The following DCAF4L1 variants were observed in gnomAD, a reference collection of about 807,000 sequenced individuals.
The protein encoded by DCAF4L1 is DDB1- and CUL4-associated factor 4-like protein 1.
A neutral mutation model predicts 28.2 loss-of-function variants in DCAF4L1; 4 were observed. That is an observed-to-expected ratio of 0.14 (90% CI 0.07 to 0.33). The LOEUF is 0.33. Ranked by LOEUF, DCAF4L1 falls within the 10% of genes least tolerant of loss-of-function variation. DCAF4L1 has a pLI of 1.00. For synonymous variants in DCAF4L1, 252 were observed against 212.1 expected (o/e 1.19, Z -1.63); for missense variants, 331 against 506.1 (o/e 0.65, Z 3.32).
chr4:41,982,485 G>A lies in DCAF4L1; in HGVS notation c.693G>A (p.Gln231=), dbSNP rs773389827. 1.2e-6 allele frequency: 2 copies of A among 1,614,128 alleles called. No individual in the cohort carries two copies. The highest frequency in any genetic ancestry group is 4.5e-5 in the East Asian group (2 of 44,900). The change falls in exon 1 of 1, where the codon CAG becomes CAA. Residue 231 remains glutamine, a synonymous_variant. Coordinates refer to ENST00000333141, the MANE Select transcript of DCAF4L1 (RefSeq NM_001029955.4). This position sits in a 1 kb window ranked among gnomAD's most constrained non-coding sequence, Gnocchi z 4.4. ...CCAGCAGTGATGTCTTGGCCCAGCA[G>A]TTTGCTAGTACGGCTCCTTTGCTGT... ...FDTSSDVLAQ[Q]FASTAPLLFN... is the part of the protein sequence containing the mutation.
Position 41,982,118 on chromosome 4 carries a change from T to G in DCAF4L1, c.326T>G (p.Ile109Ser). 3 of 1,614,164 alleles carry G rather than the reference T, an allele frequency of 1.9e-6. No individual in the cohort carries two copies. Among genetic ancestry groups the G allele is most frequent in the Non-Finnish European group, 1.7e-6 (2 of 1,180,042 alleles). The change falls in exon 1 of 1, where the codon ATC becomes AGC. Residue 109 changes from isoleucine to serine, a missense_variant. Coordinates refer to ENST00000333141, the MANE Select transcript of DCAF4L1 (RefSeq NM_001029955.4). This position sits in a 1 kb window ranked among gnomAD's most constrained non-coding sequence, Gnocchi z 4.4. The stretch of plus-strand genomic sequence containing the variant: ...ATCATCAGCCTGCGAACTCTGAAGA[T>G]CCCTTCGTTCCACGTGTACGTGCTC... The part of the protein sequence containing the change: ...YGIISLRTLK[I>S]PSFHVYVLRN...
Position 41,982,465 on chromosome 4 carries a change from A to G in DCAF4L1, c.673A>G (p.Ser225Gly). 6.2e-7 allele frequency: 1 copy of G among 1,614,204 alleles called. No homozygotes were observed. Among genetic ancestry groups the G allele is most frequent in the East Asian group, 2.2e-5 (1 of 44,878 alleles). ...ACACCAGCAGTCATTTGATACCAGC[A>G]GTGATGTCTTGGCCCAGCAGTTTGC... ...TGHQQSFDTS[S>G]DVLAQQFAST... The change falls in exon 1 of 1, where the codon AGT (serine) becomes GGT (glycine). Residue 225 changes from serine to glycine, a missense_variant. Transcript: ENST00000333141. This position sits in a 1 kb window ranked among gnomAD's most constrained non-coding sequence, Gnocchi z 4.4.
At position 41,984,856 on chromosome 4, in the gene DCAF4L1, T is replaced by G. The variant is rs1396130402; in HGVS notation, c.*1873T>G. 1 of 167,062 alleles carries G rather than the reference T, an allele frequency of 6.0e-6. No homozygotes were observed. Among genetic ancestry groups the G allele is most frequent in the Non-Finnish European group, 1.5e-5 (1 of 68,116 alleles). 10.3% of individuals were successfully genotyped at this position (167,062 alleles called of 1,614,324 possible). On this transcript the variant is annotated 3_prime_UTR_variant, in exon 1 of 1. Coordinates refer to ENST00000333141, the MANE Select transcript of DCAF4L1 (RefSeq NM_001029955.4). The stretch of plus-strand genomic sequence containing the variant: ...TATGGGAGTATGGTTAGGCACAGAT[T>G]TTTGGAATCCTTTCAGTCAGTTTTT...
rs1208060993 is a variant in DCAF4L1 at position 41,986,273 on chromosome 4, A to G, written c.*3290A>G. On this transcript the variant is annotated 3_prime_UTR_variant, in exon 1 of 1. Transcript: ENST00000333141. ...GTCGCTCCTGTTTCCTTAGTTTGGGATTCTGAGCACACATTCGTTTTAGAT... is the reference window on the plus strand; with the variant it reads ...GTCGCTCCTGTTTCCTTAGTTTGGGGTTCTGAGCACACATTCGTTTTAGAT... 3.0e-5 allele frequency: 5 copies of G among 167,056 alleles called. No individual in the cohort carries two copies. Among genetic ancestry groups the G allele is most frequent in the Non-Finnish European group, 7.3e-5 (5 of 68,156 alleles). 10.3% of individuals were successfully genotyped at this position (167,056 alleles called of 1,614,324 possible).
chr4:41,986,320 T>C lies in DCAF4L1; in HGVS notation c.*3337T>C, dbSNP rs770212731. 1 of 167,140 alleles carries C rather than the reference T, an allele frequency of 6.0e-6. No individual in the cohort carries two copies. Among genetic ancestry groups the C allele is most frequent in the Non-Finnish European group, 1.5e-5 (1 of 68,144 alleles). 10.4% of individuals were successfully genotyped at this position (167,140 alleles called of 1,614,324 possible). A position where few individuals can be genotyped will look rare whatever the true frequency, so the allele number is the denominator to read the frequency against. On this transcript the variant is annotated 3_prime_UTR_variant, in exon 1 of 1. Coordinates refer to ENST00000333141, the MANE Select transcript of DCAF4L1 (RefSeq NM_001029955.4). ...AGATCACAGGGTCGTTCTCAGGATATGGTTGTTACTGCTGTCAGGTGCATC... is the reference window on the plus strand; with the variant it reads ...AGATCACAGGGTCGTTCTCAGGATACGGTTGTTACTGCTGTCAGGTGCATC...
Position 41,982,090 on chromosome 4 carries a change from G to A in DCAF4L1, c.298G>A (p.Gly100Ser), listed in dbSNP as rs1366672121. 7 of 1,614,062 alleles carry A rather than the reference G, an allele frequency of 4.3e-6. No individual in the cohort carries two copies. The highest frequency in any genetic ancestry group is 5.9e-6 in the Non-Finnish European group (7 of 1,180,044). ...NQVEVEGSKYGIISLRTLKIP... is the reference protein window; with the variant it reads ...NQVEVEGSKYSIISLRTLKIP... ...GGTCGAAGTCGAAGGCTCCAAGTACGGCATCATCAGCCTGCGAACTCTGAA... is the reference window on the plus strand; with the variant it reads ...GGTCGAAGTCGAAGGCTCCAAGTACAGCATCATCAGCCTGCGAACTCTGAA... Residue 100 changes from glycine (G) to serine (S), a missense_variant, in exon 1 of 1, where the codon GGC (glycine) becomes AGC (serine). Transcript: ENST00000333141. This position sits in a 1 kb window ranked among gnomAD's most constrained non-coding sequence, Gnocchi z 4.4.
At position 41,981,849 on chromosome 4, in the gene DCAF4L1, C is replaced by T. The variant is rs1713992564; in HGVS notation, c.57C>T (p.Ala19=). 2.5e-6 allele frequency: 4 copies of T among 1,614,164 alleles called. No individual in the cohort carries two copies. The highest frequency in any genetic ancestry group is 3.4e-6 in the Non-Finnish European group (4 of 1,180,034). ...LEEEAKLKKV[A]RMGFNASSML... is the part of the protein sequence containing the mutation. ...AAGAGGCCAAGCTGAAAAAGGTAGCCAGAATGGGATTTAATGCATCTTCCA... is the reference window on the plus strand; with the variant it reads ...AAGAGGCCAAGCTGAAAAAGGTAGCTAGAATGGGATTTAATGCATCTTCCA... Residue 19 remains alanine (A), a synonymous_variant, in exon 1 of 1, where the codon GCC becomes GCT. Transcript: ENST00000333141.
chr4:41,985,943 T>TGCCA lies in DCAF4L1; in HGVS notation c.*2961_*2962insCCAG, dbSNP rs1395801951. 6.0e-6 allele frequency: 1 copy of TGCCA among 167,148 alleles called. No individual in the cohort carries two copies. The highest frequency in any genetic ancestry group is 1.5e-5 in the Non-Finnish European group (1 of 68,152). The allele number at this position is 167,148 out of a possible 1,614,324, so 10.4% of individuals were successfully genotyped here. Reference sequence around the variant, plus strand: ...TGCTGGTGTCATGCCAGACCCCTAGTGACTCCAATAGTAATGGCACTGTGT... The same window carrying TGCCA: ...TGCTGGTGTCATGCCAGACCCCTAGTGCCAGACTCCAATAGTAATGGCACTGTGT... On this transcript the variant is annotated 3_prime_UTR_variant, in exon 1 of 1. Coordinates refer to ENST00000333141, the MANE Select transcript of DCAF4L1 (RefSeq NM_001029955.4).
In DCAF4L1 at chr4:41,981,816, C is replaced by A. The variant is rs776455030; in HGVS notation, c.24C>A (p.Leu8=). 4 of 1,614,138 alleles carry A rather than the reference C, an allele frequency of 2.5e-6. No homozygotes were observed. The highest frequency in any genetic ancestry group is 3.4e-6 in the Non-Finnish European group (4 of 1,180,016). ...AAATGGAGGCTGAAAGGCTGCGACT[C>A]CTCGAGGAAGAGGCCAAGCTGAAAA... MEAERLR[L]LEEEAKLKKV... is the part of the protein sequence containing the mutation. Residue 8 remains leucine, a synonymous_variant, in exon 1 of 1, where the codon CTC becomes CTA. Coordinates refer to ENST00000333141, the MANE Select transcript of DCAF4L1 (RefSeq NM_001029955.4).
Position 41,981,988 on chromosome 4 carries a change from CCCT to C in DCAF4L1, c.201_203del (p.Ser68del), listed in dbSNP as rs1560526951. 1 of 1,614,212 alleles carries C rather than the reference CCCT, an allele frequency of 6.2e-7. No individual in the cohort carries two copies. Among genetic ancestry groups the C allele is most frequent in the Non-Finnish European group, 8.5e-7 (1 of 1,180,048 alleles). The stretch of plus-strand genomic sequence containing the variant: ...AAAGGTCCAAATTCGGAGCTTGGAT[CCCT>C]CCTCTTTGGCGAGCGACCGATTTAA... On this transcript the variant is annotated inframe_deletion, in exon 1 of 1. Transcript: ENST00000333141.
chr4:41,982,976 T>A lies in DCAF4L1; in HGVS notation c.1184T>A (p.Phe395Tyr). The A allele has an allele frequency of 1.9e-6, 3 of 1,599,470 alleles. No homozygotes were observed. The highest frequency in any genetic ancestry group is 2.6e-6 in the Non-Finnish European group (3 of 1,172,824). The change falls in exon 1 of 1, where the codon TTC (phenylalanine) becomes TAC (tyrosine). Residue 395 changes from phenylalanine (F) to tyrosine (Y), a missense_variant. Transcript: ENST00000333141. The surrounding 1 kb of genome is among the most constrained non-coding windows in gnomAD (Gnocchi z 4.4). The stretch of plus-strand genomic sequence containing the variant: ...CGGCAGGACCTTTATTGTTTCCCCT[T>A]CAGCTAATTCTGCAGGTGGCAGCGC... ...AVRQDLYCFPFS is the reference protein window; with the variant it reads ...AVRQDLYCFPYS
chr4:41,982,549 C>G lies in DCAF4L1; in HGVS notation c.757C>G (p.Leu253Val), dbSNP rs898612656. ...CRSGEIFAID[L>V]RCRNRGKGWR... is the part of the protein sequence containing the mutation. ...CTCCGGGGAGATCTTTGCCATTGAT[C>G]TGCGTTGTAGAAATCGAGGCAAGGG... The change falls in exon 1 of 1, where the codon CTG (leucine) becomes GTG (valine). Residue 253 changes from leucine (L) to valine (V), a missense_variant. Leu to Val is a conservative substitution (Grantham distance 32). Transcript: ENST00000333141. The surrounding 1 kb of genome is among the most constrained non-coding windows in gnomAD (Gnocchi z 4.4). 5 of 1,614,102 alleles carry G rather than the reference C, an allele frequency of 3.1e-6. No individual in the cohort carries two copies. The highest frequency in any genetic ancestry group is 3.3e-5 in the Admixed American group (2 of 59,998).
At position 41,983,032 on chromosome 4, in the gene DCAF4L1, A is replaced by C; in HGVS notation, c.*49A>C. On this transcript the variant is annotated 3_prime_UTR_variant, in exon 1 of 1. Coordinates refer to ENST00000333141, the MANE Select transcript of DCAF4L1 (RefSeq NM_001029955.4). The stretch of plus-strand genomic sequence containing the variant: ...AATGTGGATTTGACTTAAGGAAGTT[A>C]AGAGTATCTTATTACCGTTTCTGTG... The C allele has an allele frequency of 6.7e-7, 1 of 1,493,686 alleles. No homozygotes were observed. Among genetic ancestry groups the C allele is most frequent in the Non-Finnish European group, 9.1e-7 (1 of 1,099,312 alleles). 92.5% of individuals were successfully genotyped at this position (1,493,686 alleles called of 1,614,324 possible). A position where few individuals can be genotyped will look rare whatever the true frequency, so the allele number is the denominator to read the frequency against.
rs1412793398 is a variant in DCAF4L1, at chr4:41,983,527, T to C, written c.*544T>C. 1 of 167,468 alleles carries C rather than the reference T, an allele frequency of 6.0e-6. No individual in the cohort carries two copies. The highest frequency in any genetic ancestry group is 1.5e-5 in the Non-Finnish European group (1 of 68,440). The allele number at this position is 167,468 out of a possible 1,614,324, so 10.4% of individuals were successfully genotyped here. A position where few individuals can be genotyped will look rare whatever the true frequency, so the allele number is the denominator to read the frequency against. ...TTAAATTTGGCCTTCTCAAACTCAA[T>C]AGCAGATCTCTTAAGGTTCTCCTTT... On this transcript the variant is annotated 3_prime_UTR_variant, in exon 1 of 1. Coordinates refer to ENST00000333141, the MANE Select transcript of DCAF4L1 (RefSeq NM_001029955.4).
In DCAF4L1 at chr4:41,982,748, C is replaced by T. The variant is rs1471098081; in HGVS notation, c.956C>T (p.Pro319Leu). The part of the protein sequence containing the change: ...EGHVNESAYL[P>L]LHVHEEEGIV... ...CACGTGAATGAGTCCGCCTATCTGC[C>T]CCTGCATGTGCACGAGGAAGAGGGA... is the stretch of plus-strand genomic sequence containing the variant. Residue 319 changes from proline (P) to leucine (L), a missense_variant, in exon 1 of 1, where the codon CCC becomes CTC. By Grantham distance (98) the Pro-to-Leu change is moderately conservative. Transcript: ENST00000333141. This position sits in a 1 kb window ranked among gnomAD's most constrained non-coding sequence, Gnocchi z 4.4. The T allele has an allele frequency of 3.1e-6, 5 of 1,614,098 alleles. No homozygotes were observed. Among genetic ancestry groups the T allele is most frequent in the South Asian group, 2.2e-5 (2 of 91,088 alleles).
chr4:41,982,375 C>A lies in DCAF4L1; in HGVS notation c.583C>A (p.Arg195=), dbSNP rs752513716. Residue 195 remains arginine, a synonymous_variant, in exon 1 of 1, where the codon CGG becomes AGG. Coordinates refer to ENST00000333141, the MANE Select transcript of DCAF4L1 (RefSeq NM_001029955.4). The surrounding 1 kb of genome is among the most constrained non-coding windows in gnomAD (Gnocchi z 4.4). ...GTCCTGTGCGTGGTCCCTCAACACC[C>A]GGGCATATCACTGCTTTAGTGCAGG... The part of the protein sequence containing the change: ...AWSCAWSLNT[R]AYHCFSAGLS... 1 of 1,614,222 alleles carries A rather than the reference C, an allele frequency of 6.2e-7. No individual in the cohort carries two copies. The highest frequency in any genetic ancestry group is 8.5e-7 in the Non-Finnish European group (1 of 1,180,042).
In DCAF4L1 at chr4:41,983,149, A is replaced by G. The variant is rs1714045285; in HGVS notation, c.*166A>G. ...GAGTTTTATGTGGAGACGTTCTTGT[A>G]AAGTTATTTCAGTTAAACTGTGGAC... On this transcript the variant is annotated 3_prime_UTR_variant, in exon 1 of 1. Transcript: ENST00000333141. The G allele has an allele frequency of 4.7e-6, 3 of 637,944 alleles. No homozygotes were observed. Among genetic ancestry groups the G allele is most frequent in the South Asian group, 2.2e-5 (1 of 46,498 alleles). The allele number at this position is 637,944 out of a possible 1,614,324, so 39.5% of individuals were successfully genotyped here. A position where few individuals can be genotyped will look rare whatever the true frequency, so the allele number is the denominator to read the frequency against.
At position 41,983,291 on chromosome 4, in the gene DCAF4L1, C is replaced by G. The variant is rs1714051432; in HGVS notation, c.*308C>G. 4.3e-6 allele frequency: 1 copy of G among 230,332 alleles called. No homozygotes were observed. Among genetic ancestry groups the G allele is most frequent in the Admixed American group, 5.2e-5 (1 of 19,328 alleles). 14.3% of individuals were successfully genotyped at this position (230,332 alleles called of 1,614,324 possible). Reference sequence around the variant, plus strand: ...TAAATAATTAAGACTTTTCTAAGGACTGAAGATTGGCAAAAACTAAAATAA... The same window carrying G: ...TAAATAATTAAGACTTTTCTAAGGAGTGAAGATTGGCAAAAACTAAAATAA... On this transcript the variant is annotated 3_prime_UTR_variant, in exon 1 of 1. Transcript: ENST00000333141.
rs1450114894 is a variant in DCAF4L1 at position 41,984,771 on chromosome 4, A to C, written c.*1788A>C. ...AGATGGGATAGATGTGCTTTATATG[A>C]CATAGATGAGGTTAATGTAATTACA... On this transcript the variant is annotated 3_prime_UTR_variant, in exon 1 of 1. Coordinates refer to ENST00000333141, the MANE Select transcript of DCAF4L1 (RefSeq NM_001029955.4). The C allele has an allele frequency of 6.0e-6, 1 of 167,088 alleles. No individual in the cohort carries two copies. The highest frequency in any genetic ancestry group is 1.5e-5 in the Non-Finnish European group (1 of 68,122). The allele number at this position is 167,088 out of a possible 1,614,324, so 10.4% of individuals were successfully genotyped here. A position where few individuals can be genotyped will look rare whatever the true frequency, so the allele number is the denominator to read the frequency against.
Sources: gnomAD v4.1 joint callset for allele counts on GRCh38, gnomAD v4.1.1 for gene constraint, Gnocchi (gnomAD v3.1) non-coding constraint, MANE v1.5 for transcripts, NCBI Gene and HGNC (gene_info 2026-07-23, HGNC 2026-07-21) for gene names.